SPON1: variants seen among roughly 807,000 people sequenced by gnomAD.
SPON1 encodes spondin 1.
SPON1 carries 52 observed loss-of-function variants against 111.7 expected under a neutral mutation model. That is an observed-to-expected ratio of 0.47 (90% CI 0.37 to 0.59). SPON1 has a LOEUF of 0.59. Ranked by LOEUF, SPON1 falls within the 20% of genes least tolerant of loss-of-function variation. The probability of loss-of-function intolerance (pLI) is 0.00; values close to 1 mark genes in which losing one functional copy is unlikely to be tolerated. For synonymous variants in SPON1, 410 were observed against 395.8 expected, an observed-to-expected ratio of 1.04 and a Z score of -0.43; for missense variants, 957 against 1,068.5, an observed-to-expected ratio of 0.90 and a Z score of 1.46.
chr11:14,024,113 A>G (rs1160777777), intron 2 of SPON1, among the ~76,000 whole-genome samples: 1 of 152,066 alleles, frequency 6.6e-6, no homozygotes, highest in Non-Finnish European at 1.5e-5. Context: ...TCAAACCCCT[A>G]AAGGGAGAAT....
intron 6 of SPON1, among the ~76,000 whole-genome samples, chr11:14,136,239 T>C (rs1163403399): frequency 4.6e-5 from 7 of 152,196 alleles, no homozygotes; most frequent in Admixed American, 4.6e-4. Flanking sequence ...GCCACGTGGC[T>C]CAGTGGTGGT....
intron 3 of SPON1, among the ~76,000 whole-genome samples, chr11:14,052,658 T>TACCCCAGA (rs1304289002): frequency 3.2e-4 from 48 of 152,286 alleles, no homozygotes; most frequent in African/African-American, 1.1e-3. Context: ...AAGACTCAGA[T>TACCCCAGA]ACCCCAGAAT....
intron 2 of SPON1, among the ~76,000 whole-genome samples, chr11:13,985,354 A>T (rs1271108385): frequency 6.6e-6 from 1 of 152,248 alleles, no homozygotes; most frequent in Non-Finnish European, 1.5e-5. Context: ...CTTGTGTGCC[A>T]GATACTGTTC....
intron 6 of SPON1, among the ~76,000 whole-genome samples, chr11:14,143,055 T>G (rs1384754739): frequency 6.6e-6 from 1 of 152,184 alleles, no homozygotes; most frequent in Non-Finnish European, 1.5e-5. Context: ...AGCCATAGGA[T>G]CTTCCTCCTT....
At chr11:14,072,296 G>A (rs1334252072) in intron 3 of SPON1, among the ~76,000 whole-genome samples, 2 of 151,988 alleles carry the variant, frequency 1.3e-5, no homozygotes, top group Non-Finnish European at 2.9e-5. Flanking sequence ...AGAATATTGA[G>A]GAAGCTGAGA....
intron 6 of SPON1, among the ~76,000 whole-genome samples, chr11:14,161,582 GT>G (rs1554931345): frequency 5.2e-4 from 79 of 151,808 alleles, no homozygotes; most frequent in African/African-American, 1.8e-3. Context: ...GCCTCCCAGT[GT>G]GCCGGGATTA....
In SPON1 at chr11:13,982,913, G is replaced by T; in HGVS notation, c.305G>T (p.Arg102Ile). ...GFTLIALREN[R>I]EGDKEEDHAG... ...ACATTAATTGCCCTCAGAGAGAACA[G>T]AGAGGGTGATAAGGAAGAAGACCAT... The change falls in exon 2 of 16, where the codon AGA becomes ATA. Residue 102 changes from arginine (R) to isoleucine (I), a missense_variant. Arg to Ile is a moderately conservative substitution (Grantham distance 97). This residue lies in a region of SPON1 where 262 missense variants were observed against 253.9 expected (regional missense o/e 1.03). Coordinates refer to ENST00000576479, the MANE Select transcript of SPON1 (RefSeq NM_006108.4). The T allele has an allele frequency of 1.3e-6, 2 of 1,559,186 alleles. No individual in the cohort carries two copies. The highest frequency in any genetic ancestry group is 4.8e-5 in the East Asian group (2 of 41,690).
intron 5 of SPON1, among the ~76,000 whole-genome samples, chr11:14,099,896 G>C (rs1300591464): frequency 2.6e-5 from 4 of 151,950 alleles, no homozygotes; most frequent in Admixed American, 2.6e-4. Flanking sequence ...AGAGGGAAGA[G>C]GTGCCACACT....
chr11:14,173,804 C>T (rs1254072093), intron 6 of SPON1, among the ~76,000 whole-genome samples: 2 of 152,120 alleles, frequency 1.3e-5, no homozygotes, highest in Non-Finnish European at 2.9e-5. Flanking sequence ...TGCAGAACAG[C>T]GGATATTGGT....
intron 6 of SPON1, among the ~76,000 whole-genome samples, chr11:14,183,052 G>A (rs1848251694): frequency 6.6e-6 from 1 of 152,226 alleles, no homozygotes; most frequent in Admixed American, 6.5e-5. Context: ...CCATGACTGT[G>A]AAATGGCTTT....
At chr11:14,023,475 T>C (rs1216811669) in intron 2 of SPON1, among the ~76,000 whole-genome samples, 1 of 152,168 alleles carries the variant, frequency 6.6e-6, no homozygotes, top group Non-Finnish European at 1.5e-5. Context: ...ACAACACAAG[T>C]TCCCTCTCTT....
At chr11:14,189,757 T>A (rs1848325214) in intron 6 of SPON1, among the ~76,000 whole-genome samples, 1 of 152,232 alleles carries the variant, frequency 6.6e-6, no homozygotes, top group Non-Finnish European at 1.5e-5. Flanking sequence ...AAAGTTTATT[T>A]AGAAGCCAGT....
intron 5 of SPON1, among the ~76,000 whole-genome samples, chr11:14,121,097 C>T (rs1296295525): frequency 6.6e-6 from 1 of 152,166 alleles, no homozygotes; most frequent in Non-Finnish European, 1.5e-5. Flanking sequence ...TGGGAGACCA[C>T]TTATATCTTG....
chr11:14,261,687 C>CT (rs771103849), intron 14 of SPON1, among the ~76,000 whole-genome samples: 25 of 152,196 alleles, frequency 1.6e-4, no homozygotes, highest in Non-Finnish European at 2.9e-4. Context: ...TTTTCAGTAA[C>CT]TAAGATTGGC....
chr11:14,204,359 G>A (rs1028863283), intron 6 of SPON1, among the ~76,000 whole-genome samples: 1 of 152,158 alleles, frequency 6.6e-6, no homozygotes, highest in Non-Finnish European at 1.5e-5. Flanking sequence ...GCAGCTGACT[G>A]CAGTCTTGAC....
intron 5 of SPON1, among the ~76,000 whole-genome samples, chr11:14,133,680 GC>G (rs1435148124): frequency 6.6e-6 from 1 of 152,182 alleles, no homozygotes; most frequent in South Asian, 2.1e-4. Flanking sequence ...CTGGTTACCA[GC>G]CATTGCCCCT....
At chr11:14,227,383 T>A (rs1554938243) in intron 6 of SPON1, among the ~76,000 whole-genome samples, 1 of 152,178 alleles carries the variant, frequency 6.6e-6, no homozygotes, top group African/African-American at 2.4e-5. Flanking sequence ...CTCTTCACAG[T>A]TTTCTATTTT....
chr11:14,129,141 T>A (rs1437797705), intron 5 of SPON1, among the ~76,000 whole-genome samples: 2 of 152,224 alleles, frequency 1.3e-5, no homozygotes, highest in African/African-American at 4.8e-5. Flanking sequence ...TTTTTACTTA[T>A]GCAAATTTCT....
intron 6 of SPON1, among the ~76,000 whole-genome samples, chr11:14,238,471 G>C (rs1488250625): frequency 2.0e-5 from 3 of 152,170 alleles, no homozygotes; most frequent in Non-Finnish European, 4.4e-5. Context: ...CTTCCTCATT[G>C]GGTGGCTGGC....
Sources: allele counts gnomAD v4.1 joint callset (sites outside exome capture counted in the v4.1 genomes callset), GRCh38; gene constraint gnomAD v4.1.1; regional missense constraint gnomAD v4.1.1; transcripts MANE v1.5; gene names NCBI Gene and HGNC (gene_info 2026-07-23, HGNC 2026-07-21).